SUGCT: variants seen among roughly 807,000 people sequenced by gnomAD.
SUGCT encodes succinyl-CoA:glutarate CoA-transferase.
SUGCT carries 41 observed loss-of-function variants against 55.0 expected under a neutral mutation model. The ratio of observed to expected loss-of-function variants is 0.74; its 90% confidence interval spans 0.58 to 0.97. The LOEUF is 0.97. Among genes scored for constraint, SUGCT ranks in the 50% least tolerant of loss-of-function variants. The pLI is 0.00. For missense variants in SUGCT, 568 were observed against 547.8 expected (o/e 1.04, Z -0.37); for synonymous variants, 187 against 200.4 (o/e 0.93, Z 0.56).
At chr7:40,975,440 C>T in the SUGCT span, among the ~76,000 whole-genome samples, 1 of 152,188 alleles carries the variant, frequency 6.6e-6, no homozygotes, top group African/African-American at 2.4e-5. Context: ...GAAGCCATCT[C>T]TCTGTTTGCA....
chr7:40,962,588 C>T, the SUGCT span, among the ~76,000 whole-genome samples: 1 of 151,630 alleles, frequency 6.6e-6, no homozygotes, highest in African/African-American at 2.4e-5. Context: ...CACACACACA[C>T]ACACACACAC....
chr7:40,675,226 A>G (rs1440903080), intron 12 of SUGCT, among the ~76,000 whole-genome samples: 1 of 151,850 alleles, frequency 6.6e-6, no homozygotes, highest in African/African-American at 2.4e-5. Context: ...ATGCCCAGCT[A>G]ATTTTTGTAT....
At chr7:40,187,705 T>G (rs1243804674) in intron 3 of SUGCT, among the ~76,000 whole-genome samples, 1 of 152,148 alleles carries the variant, frequency 6.6e-6, no homozygotes. Context: ...CTGGGTCACT[T>G]GAAGTCAGGA....
At chr7:40,588,104 A>G (rs979878849) in intron 12 of SUGCT, among the ~76,000 whole-genome samples, 3 of 151,734 alleles carry the variant, frequency 2.0e-5, no homozygotes, top group African/African-American at 4.8e-5. Context: ...GGTTTCACCA[A>G]TTGGCCAGGC....
At chr7:40,367,442 A>T (rs1179331347) in intron 9 of SUGCT, among the ~76,000 whole-genome samples, 1 of 110,976 alleles carries the variant, frequency 9.0e-6, no homozygotes, top group Non-Finnish European at 1.8e-5. Flanking sequence ...AAATAAATAA[A>T]TTACCCAGAA....
chr7:40,180,785 G>T (rs1231644864), intron 1 of SUGCT, among the ~76,000 whole-genome samples, 162 bp from the exon 2 acceptor site: 1 of 152,168 alleles, frequency 6.6e-6, no homozygotes, highest in African/African-American at 2.4e-5. Flanking sequence ...ACTGTGCCTG[G>T]CTGAGCTTCC....
At chr7:41,003,173 C>T in the SUGCT span, among the ~76,000 whole-genome samples, 1 of 152,138 alleles carries the variant, frequency 6.6e-6, no homozygotes, top group Non-Finnish European at 1.5e-5. Context: ...ACGTAATATT[C>T]TGACATCTAA....
intron 8 of SUGCT, among the ~76,000 whole-genome samples, chr7:40,279,854 A>G (rs552876167): frequency 6.6e-6 from 1 of 152,252 alleles, no homozygotes; most frequent in East Asian, 1.9e-4. Flanking sequence ...TTTTTAAATT[A>G]AAAAAAGTAT....
At chr7:40,563,985 T>C (rs1275459533) in intron 12 of SUGCT, among the ~76,000 whole-genome samples, 1 of 152,150 alleles carries the variant, frequency 6.6e-6, no homozygotes, top group Non-Finnish European at 1.5e-5. Context: ...GAGTGGGATA[T>C]GTATATACAG....
At chr7:40,763,293 G>T (rs1054298580) in intron 13 of SUGCT, among the ~76,000 whole-genome samples, 1 of 152,110 alleles carries the variant, frequency 6.6e-6, no homozygotes, top group Admixed American at 6.5e-5. Context: ...GACTCTCGGG[G>T]TGTGGCATTA....
intron 11 of SUGCT, among the ~76,000 whole-genome samples, chr7:40,483,046 A>G (rs1490859587): frequency 6.6e-6 from 1 of 152,220 alleles, no homozygotes; most frequent in African/African-American, 2.4e-5. Flanking sequence ...ATAATTCCTA[A>G]GAGGAAATAA....
intron 9 of SUGCT, among the ~76,000 whole-genome samples, chr7:40,350,328 ATTTT>A (rs869237659): frequency 1.1e-5 from 1 of 91,466 alleles, no homozygotes; most frequent in Non-Finnish European, 2.4e-5. Context: ...TTATTTATTT[ATTTT>A]TAAGAGAGTC....
intron 11 of SUGCT, among the ~76,000 whole-genome samples, chr7:40,486,158 C>T (rs374083139): frequency 6.6e-6 from 1 of 152,022 alleles, no homozygotes; most frequent in South Asian, 2.1e-4. Flanking sequence ...TCTTTGATGG[C>T]AGACTTTTTA....
chr7:40,816,976 T>C (rs1000003133), intron 13 of SUGCT, among the ~76,000 whole-genome samples: 3 of 152,266 alleles, frequency 2.0e-5, no homozygotes, highest in Middle Eastern at 3.4e-3. Context: ...ATGATGAGAA[T>C]AGAGTTAAGT....
At chr7:40,544,152 G>A (rs1039054607) in intron 12 of SUGCT, among the ~76,000 whole-genome samples, 5 of 148,862 alleles carry the variant, frequency 3.4e-5, no homozygotes, top group Non-Finnish European at 7.4e-5. Flanking sequence ...TTTTTTTTAG[G>A]GCAGTTTCTG....
intron 1 of SUGCT, among the ~76,000 whole-genome samples, chr7:40,168,817 G>T (rs1408583228): frequency 6.7e-6 from 1 of 148,364 alleles, no homozygotes; most frequent in Non-Finnish European, 1.5e-5. Flanking sequence ...GAGTACTGGG[G>T]CTTGGTTTCC....
intron 12 of SUGCT, among the ~76,000 whole-genome samples, chr7:40,513,859 G>A (rs889340761): frequency 1.3e-4 from 19 of 142,428 alleles, no homozygotes; most frequent in South Asian, 4.4e-4. Context: ...GCGCGATCTC[G>A]GCTCACTGCA....
intron 6 of SUGCT, among the ~76,000 whole-genome samples, chr7:40,210,950 G>T (rs1787300934): frequency 6.6e-6 from 1 of 152,140 alleles, no homozygotes; most frequent in African/African-American, 2.4e-5. Context: ...AGAAGGCAAA[G>T]AATTGAACAT....
intron 1 of SUGCT, among the ~76,000 whole-genome samples, chr7:40,139,252 C>T (rs951679524): frequency 1.3e-5 from 2 of 152,118 alleles, no homozygotes; most frequent in African/African-American, 4.8e-5. Flanking sequence ...GGCTGGAGTT[C>T]GATGGCAAGA....
Sources: gnomAD v4.1 joint callset for allele counts (sites outside exome capture counted in the v4.1 genomes callset) on GRCh38, gnomAD v4.1.1 for gene constraint, MANE v1.5 for transcripts, NCBI Gene and HGNC (gene_info 2026-07-23, HGNC 2026-07-21) for gene names.